The following AK5 variants were observed in gnomAD, a reference collection of about 807,000 sequenced individuals.
The protein encoded by AK5 is adenylate kinase isoenzyme 5.
In AK5, 27 loss-of-function variants were observed where a neutral mutation model predicts 69.5. The observed-to-expected ratio is 0.39, with a 90% CI of 0.29 to 0.54. AK5 has a LOEUF of 0.54. Ranked by LOEUF, AK5 falls within the 20% of genes least tolerant of loss-of-function variation. The pLI is 0.71. For synonymous variants in AK5, 260 were observed against 244.4 expected (o/e 1.06, Z -0.60); for missense variants, 531 against 700.4 (o/e 0.76, Z 2.73).
chr1:77,393,728 C>G (rs537545979), intron 6 of AK5, among the ~76,000 whole-genome samples: 22 of 152,056 alleles, frequency 1.4e-4, no homozygotes, highest in Non-Finnish European at 3.1e-4. Context: ...ATTTTCTAGA[C>G]GAGGAAAGAA....
intron 10 of AK5, among the ~76,000 whole-genome samples, chr1:77,496,726 C>CT (rs1340158351): frequency 9.2e-5 from 14 of 152,128 alleles, no homozygotes; most frequent in Admixed American, 7.9e-4. Flanking sequence ...ACTTTTGTGT[C>CT]TAGCTAAAGG....
At chr1:77,537,230 G>A (rs1054415423) in intron 13 of AK5, among the ~76,000 whole-genome samples, 2 of 152,102 alleles carry the variant, frequency 1.3e-5, no homozygotes, top group East Asian at 1.9e-4. Flanking sequence ...TCTGAAGCGG[G>A]GGTGCACGCC....
At chr1:77,439,441 A>G (rs1300242095) in intron 8 of AK5, among the ~76,000 whole-genome samples, 1 of 152,154 alleles carries the variant, frequency 6.6e-6, no homozygotes, top group East Asian at 1.9e-4. Context: ...TTTGAAATAC[A>G]CAATGAATTA....
At chr1:77,373,380 A>G (rs1557539726) in intron 6 of AK5, among the ~76,000 whole-genome samples, 1 of 152,172 alleles carries the variant, frequency 6.6e-6, no homozygotes, top group Non-Finnish European at 1.5e-5. Flanking sequence ...GCTTACATAT[A>G]TTAATAGTAA....
In AK5 at chr1:77,340,265, G is replaced by A. The variant is rs1016630024; in HGVS notation, c.700-112G>A. The A allele has an allele frequency of 8.4e-6, 9 of 1,069,994 alleles. No homozygotes were observed. In the African/African-American group the frequency reaches 1.4e-4, roughly 17 times the overall value. 66.3% of individuals were successfully genotyped at this position (1,069,994 alleles called of 1,614,324 possible). A position where few individuals can be genotyped will look rare whatever the true frequency, so the allele number is the denominator to read the frequency against. On this transcript the variant is annotated intron_variant, in intron 5 of 13. Coordinates refer to ENST00000354567, the MANE Select transcript of AK5 (RefSeq NM_174858.3). ...CTGGAAATACACTGTCAAAAACATA[G>A]AGGGCCAAATATATGGCAGCCTCCA...
intron 6 of AK5, among the ~76,000 whole-genome samples, chr1:77,343,207 A>G (rs1049284605): frequency 6.6e-6 from 1 of 152,166 alleles, no homozygotes; most frequent in African/African-American, 2.4e-5. Context: ...CCTGTGGTGA[A>G]TAAAATAGAC....
Position 77,533,594 on chromosome 1 carries a change from T to C in AK5, c.1429-2253T>C, listed in dbSNP as rs146204027. On this transcript the variant is annotated intron_variant, in intron 12 of 13. Transcript: ENST00000354567. ...TGAGAGTCTATATTTCTAACAAGCT[T>C]CCAAATGACATGCTGCTGGTCCGTG... Among the ~76,000 whole-genome samples the C allele has an allele frequency of 3.0e-3, 456 of 151,522 alleles. 2 individuals are homozygous for C. The highest frequency in any genetic ancestry group is 0.011 in the African/African-American group (442 of 41,214).
At chr1:77,296,115 A>G (rs928735226) in intron 3 of AK5, among the ~76,000 whole-genome samples, 34 of 152,164 alleles carry the variant, frequency 2.2e-4, no homozygotes, top group Middle Eastern at 3.2e-3. Flanking sequence ...ACTTTTATGG[A>G]ATTATAAAAT....
At chr1:77,518,344 C>T (rs1221422053) in intron 10 of AK5, among the ~76,000 whole-genome samples, 3 of 152,234 alleles carry the variant, frequency 2.0e-5, no homozygotes, top group Admixed American at 1.3e-4. Context: ...CACCTGCCCC[C>T]TCCCGCTTCA....
chr1:77,499,869 C>CTTTTTTTTTTTTTTTTTTTTTT, intron 10 of AK5, among the ~76,000 whole-genome samples: 1 of 78,776 alleles, frequency 1.3e-5, no homozygotes, highest in African/African-American at 4.5e-5. Flanking sequence ...GCCCTTTTTC[C>CTTTTTTTTTTTTTTTTTTTTTT]ATTTTTTTTT....
intron 7 of AK5, among the ~76,000 whole-genome samples, chr1:77,416,944 G>C (rs181630254): frequency 3.5e-4 from 53 of 152,134 alleles, no homozygotes; most frequent in Admixed American, 3.4e-3. Flanking sequence ...TGAATCAGTT[G>C]TGCTTCAGAA....
At chr1:77,545,308 T>C (rs1268986768) in intron 13 of AK5, among the ~76,000 whole-genome samples, 1 of 152,014 alleles carries the variant, frequency 6.6e-6, no homozygotes, top group East Asian at 1.9e-4. Flanking sequence ...AACTTTTTAC[T>C]ACAGACACAC....
At chr1:77,497,869 A>G (rs1206148983) in intron 10 of AK5, among the ~76,000 whole-genome samples, 1 of 152,212 alleles carries the variant, frequency 6.6e-6, no homozygotes, top group Non-Finnish European at 1.5e-5. Flanking sequence ...GGCATGAGCC[A>G]CTGCACCTGG....
chr1:77,397,007 C>A (rs79972366), intron 6 of AK5, among the ~76,000 whole-genome samples: 6,334 of 152,318 alleles, frequency 0.042, 231 homozygotes, highest in Admixed American at 0.11. Context: ...ACTACAGACA[C>A]ATGCCCAGGG....
chr1:77,444,195 G>GTA (rs34198954), intron 8 of AK5, among the ~76,000 whole-genome samples: 21,376 of 107,948 alleles, frequency 0.2, 2,862 homozygotes, highest in Admixed American at 0.23. Flanking sequence ...CAGATAAGTG[G>GTA]TATATATATA....
intron 5 of AK5, among the ~76,000 whole-genome samples, chr1:77,299,476 TG>T (rs1431111590): frequency 1.3e-5 from 2 of 152,150 alleles, no homozygotes; most frequent in Admixed American, 6.6e-5. Flanking sequence ...AACATTTTTT[TG>T]AATGTTCCCA....
intron 7 of AK5, among the ~76,000 whole-genome samples, chr1:77,412,891 G>A (rs1178620481): frequency 6.6e-6 from 1 of 151,966 alleles, no homozygotes; most frequent in African/African-American, 2.4e-5. Flanking sequence ...CAATCCACGG[G>A]GGCACCTTGG....
chr1:77,483,915 A>G (rs1316648932), intron 9 of AK5, among the ~76,000 whole-genome samples: 1 of 152,244 alleles, frequency 6.6e-6, no homozygotes, highest in Admixed American at 6.5e-5. Flanking sequence ...CTGTAATCCC[A>G]GCACTTTGGG....
At position 77,282,289 on chromosome 1, in the gene AK5, G is replaced by C. The variant is rs1233702542; in HGVS notation, c.-25G>C. The stretch of plus-strand genomic sequence containing the variant: ...GCAGCCCGGGAGCCTCCCCGCTTGC[G>C]CCCCAAGGCACGCGCGGCACAGCCA... On this transcript the variant is annotated 5_prime_UTR_variant, in exon 1 of 14. Transcript: ENST00000354567. 6.5e-7 allele frequency: 1 copy of C among 1,541,882 alleles called. No homozygotes were observed. The highest frequency in any genetic ancestry group is 1.4e-5 in the African/African-American group (1 of 72,570).
Sources: allele counts gnomAD v4.1 joint callset (sites outside exome capture counted in the v4.1 genomes callset), GRCh38; gene constraint gnomAD v4.1.1; transcripts MANE v1.5; gene names NCBI Gene and HGNC (gene_info 2026-07-23, HGNC 2026-07-21).